KLF8: variants seen among roughly 807,000 people sequenced by gnomAD.
KLF8 encodes the protein Krueppel-like factor 8.
A neutral mutation model predicts 18.2 loss-of-function variants in KLF8; 10 were observed. The observed-to-expected ratio is 0.55, with a 90% confidence interval of 0.34 to 0.93. The LOEUF is 0.93. Among genes scored for constraint, KLF8 ranks in the 40% least tolerant of loss-of-function variants. The pLI, the probability that KLF8 is intolerant of heterozygous loss-of-function variation, is 0.02. For missense variants in KLF8, 264 were observed against 277.9 expected (o/e 0.95, Z 0.36); for synonymous variants, 109 against 97.3 (o/e 1.12, Z -0.71).
the KLF8 span, among the ~76,000 whole-genome samples, chrX:56,008,321 G>A: frequency 9.2e-6 from 1 of 109,239 alleles, no homozygotes; most frequent in Non-Finnish European, 1.9e-5. Flanking sequence ...ACCAGCAACT[G>A]AAGTATCCAG....
chrX:56,047,930 C>A, the KLF8 span, among the ~76,000 whole-genome samples: 1 of 111,408 alleles, frequency 9.0e-6, no homozygotes, highest in African/African-American at 3.3e-5. Context: ...AGCACCTATA[C>A]TTTACTGACT....
At chrX:56,144,682 G>A in the KLF8 span, among the ~76,000 whole-genome samples, 2 of 104,097 alleles carry the variant, frequency 1.9e-5, no homozygotes, top group East Asian at 6.3e-4. Flanking sequence ...GAACCCGGGA[G>A]GTGGAGGTTG....
the KLF8 span, among the ~76,000 whole-genome samples, chrX:56,078,276 G>T: frequency 8.9e-6 from 1 of 111,793 alleles, no homozygotes; most frequent in African/African-American, 3.3e-5. Flanking sequence ...TTGGCTGTGG[G>T]TTTGTCATAG....
At chrX:56,126,081 C>T in the KLF8 span, among the ~76,000 whole-genome samples, 2 of 111,519 alleles carry the variant, frequency 1.8e-5, no homozygotes, top group Non-Finnish European at 3.8e-5. Context: ...ATGAGAACTG[C>T]TTATCTTCAT....
At chrX:56,222,017 A>G in the KLF8 span, among the ~76,000 whole-genome samples, 1 of 110,471 alleles carries the variant, frequency 9.1e-6, no homozygotes, top group African/African-American at 3.3e-5. Flanking sequence ...GCTAGACACA[A>G]AAGTTCTCCA....
chrX:56,164,109 A>T, the KLF8 span, among the ~76,000 whole-genome samples: 6 of 107,877 alleles, frequency 5.6e-5, no homozygotes, highest in Admixed American at 3.0e-4. Flanking sequence ...TTTATTTTTT[A>T]TTTTTTTTTT....
At chrX:55,987,277 G>A in the KLF8 span, among the ~76,000 whole-genome samples, 1 of 107,937 alleles carries the variant, frequency 9.3e-6, no homozygotes, top group Admixed American at 1.0e-4. Flanking sequence ...GTATACATGT[G>A]CCATGTTGGT....
chrX:56,082,563 C>G, the KLF8 span, among the ~76,000 whole-genome samples: 2 of 104,109 alleles, frequency 1.9e-5, no homozygotes, highest in South Asian at 8.3e-4. Flanking sequence ...AATTCAAGAT[C>G]TTTCTTTTTT....
At chrX:55,909,777 C>T in the KLF8 span, among the ~76,000 whole-genome samples, 1 of 112,318 alleles carries the variant, frequency 8.9e-6, no homozygotes, top group Non-Finnish European at 1.9e-5. Flanking sequence ...CAGGAAACTT[C>T]AGTAGGAAAG....
the KLF8 span, among the ~76,000 whole-genome samples, chrX:55,971,860 T>C: frequency 9.0e-6 from 1 of 111,444 alleles, no homozygotes; most frequent in Non-Finnish European, 1.9e-5. Flanking sequence ...TATAATGAGG[T>C]ATCATCTCAC....
At position 56,291,423 on chromosome X, in the gene KLF8, G is replaced by A. The variant is rs1036150962; in HGVS notation, c.*6929G>A. Among the ~76,000 whole-genome samples, 5 of 111,730 alleles carry A rather than the reference G, an allele frequency of 4.5e-5. No individual in the cohort carries two copies. Among genetic ancestry groups the A allele is most frequent in the Non-Finnish European group, 9.4e-5 (5 of 53,114 alleles). ...AGAGATTACTCTGTTCTACTTCAGA[G>A]ACCCTCCACTATGGCATCCATGCAG... On this transcript the variant is annotated 3_prime_UTR_variant, in exon 6 of 6. Coordinates refer to ENST00000468660, the MANE Select transcript of KLF8 (RefSeq NM_007250.5).
chrX:56,284,362 T>G lies in KLF8; in HGVS notation c.948T>G (p.Ala316=). 1 of 1,194,799 alleles carries G rather than the reference T, an allele frequency of 8.4e-7. No homozygotes were observed. Among genetic ancestry groups the G allele is most frequent in the Non-Finnish European group, 1.1e-6 (1 of 887,044 alleles). Residue 316 remains alanine (A), a synonymous_variant, in exon 6 of 6, where the codon GCT becomes GCG. Coordinates refer to ENST00000468660, the MANE Select transcript of KLF8 (RefSeq NM_007250.5). ...CTWDGCSWKF[A]RSDELTRHFR... ...GGGATGGCTGCTCCTGGAAATTTGC[T>G]CGCTCAGATGAGCTCACTCGCCATT...
chrX:56,142,839 A>T, the KLF8 span, among the ~76,000 whole-genome samples: 4 of 111,978 alleles, frequency 3.6e-5, no homozygotes, highest in Non-Finnish European at 7.5e-5. Context: ...CATACTGAGG[A>T]AATTCTGCCT....
intron 2 of KLF8, among the ~76,000 whole-genome samples, chrX:56,253,203 C>G (rs919018021): frequency 1.5e-4 from 17 of 111,872 alleles, no homozygotes; most frequent in Non-Finnish European, 3.0e-4. Flanking sequence ...TTTGCAGAAG[C>G]TTTTTAATTG....
the KLF8 span, among the ~76,000 whole-genome samples, chrX:56,117,195 A>C: frequency 1.8e-5 from 2 of 112,131 alleles, no homozygotes. Flanking sequence ...TTGATATAAC[A>C]GTCCTAACAC....
chrX:55,961,555 A>G, the KLF8 span: 3 of 535,967 alleles, frequency 5.6e-6, no homozygotes, highest in Non-Finnish European at 1.0e-5. Context: ...GGGTGAGAAT[A>G]GTGAAGTGTT....
At chrX:56,183,267 G>A in the KLF8 span, among the ~76,000 whole-genome samples, 1 of 112,230 alleles carries the variant, frequency 8.9e-6, no homozygotes, top group East Asian at 2.8e-4. Context: ...GACACTCTAA[G>A]CCAGGCACAG....
chrX:56,029,120 C>T, the KLF8 span, among the ~76,000 whole-genome samples: 1 of 111,034 alleles, frequency 9.0e-6, no homozygotes, highest in Non-Finnish European at 1.9e-5. Flanking sequence ...AGTACAGGGG[C>T]TTGATTGATC....
the KLF8 span, among the ~76,000 whole-genome samples, chrX:56,135,769 C>A: frequency 4.3e-4 from 48 of 112,000 alleles, no homozygotes; most frequent in African/African-American, 1.5e-3. Flanking sequence ...TACTGAATGA[C>A]TTTCAGGTAA....
Sources: gnomAD v4.1 joint callset for allele counts (sites outside exome capture counted in the v4.1 genomes callset) on GRCh38, gnomAD v4.1.1 for gene constraint, MANE v1.5 for transcripts, NCBI Gene and HGNC (gene_info 2026-07-23, HGNC 2026-07-21) for gene names.